Variants in RAB28 observed in about 807,000 individuals in gnomAD.
RAB28 encodes the protein ras-related protein Rab-28.
A neutral mutation model predicts 31.7 loss-of-function variants in RAB28; 24 were observed. The observed-to-expected ratio is 0.76, with a 90% confidence interval of 0.55 to 1.06. The LOEUF (loss-of-function observed/expected upper bound fraction) is 1.06, where lower values mean the gene tolerates loss of function less well. Among genes scored for constraint, RAB28 ranks in the 50% least tolerant of loss-of-function variants. The pLI is 0.00. For synonymous variants in RAB28, 100 were observed against 90.4 expected (o/e 1.11, Z -0.60); for missense variants, 254 against 258.5 (o/e 0.98, Z 0.12).
At chr4:13,393,967 A>T (rs71609125) in intron 4 of RAB28, among the ~76,000 whole-genome samples, 1 of 152,238 alleles carries the variant, frequency 6.6e-6, no homozygotes, top group Non-Finnish European at 1.5e-5. Flanking sequence ...CTGTGCTAGT[A>T]AGCACAAGGG....
chr4:13,459,743 G>C, intron 4 of RAB28: 1 of 1,056,940 alleles, frequency 9.5e-7, no homozygotes, highest in Non-Finnish European at 1.2e-6. Context: ...GTTTATAAGA[G>C]ACAGGAGCAA....
chr4:13,384,842 G>T (rs886453364), intron 4 of RAB28, among the ~76,000 whole-genome samples: 2 of 152,176 alleles, frequency 1.3e-5, no homozygotes, highest in Admixed American at 6.5e-5. Flanking sequence ...TACTTCTCCT[G>T]CAAGGGTTCT....
chr4:13,464,218 A>T (rs1352571020), intron 3 of RAB28, among the ~76,000 whole-genome samples: 1 of 152,100 alleles, frequency 6.6e-6, no homozygotes, highest in South Asian at 2.1e-4. Context: ...CAGATTCCAG[A>T]TATCCCACCA....
At chr4:13,461,498 T>C (rs753001335) in intron 3 of RAB28, among the ~76,000 whole-genome samples, 4 of 152,176 alleles carry the variant, frequency 2.6e-5, no homozygotes, top group Non-Finnish European at 5.9e-5. Context: ...ATCCCTTTAA[T>C]CATAGTTGTT....
At chr4:13,475,632 G>A (rs926031669) in intron 2 of RAB28, among the ~76,000 whole-genome samples, 1 of 151,544 alleles carries the variant, frequency 6.6e-6, no homozygotes, top group African/African-American at 2.4e-5. Flanking sequence ...CCACTGCGCA[G>A]AGGATTTCCA....
chr4:13,454,102 C>T (rs1715158617), intron 4 of RAB28, among the ~76,000 whole-genome samples: 1 of 151,750 alleles, frequency 6.6e-6, no homozygotes, highest in African/African-American at 2.4e-5. Flanking sequence ...ATTCTTTTTT[C>T]TGCATGGTCT....
chr4:13,482,174 GA>G (rs1716634369), intron 1 of RAB28, among the ~76,000 whole-genome samples: 1 of 152,118 alleles, frequency 6.6e-6, no homozygotes, highest in East Asian at 1.9e-4. Flanking sequence ...CAAAAACATG[GA>G]AGTGAAAAAA....
chr4:13,394,156 G>C lies in RAB28; in HGVS notation c.392-12562C>G, dbSNP rs146144899. On this transcript the variant is annotated intron_variant, in intron 4 of 6. Transcript: ENST00000330852. ...GAGGAGTAGGAATCAGGATAGCAAT[G>C]ACAATTTTACATAGGATAGCCATGG... 8.9e-3 allele frequency among the ~76,000 whole-genome samples: 1,350 copies of C among 152,206 alleles called. 12 individuals are homozygous for C. Among genetic ancestry groups the C allele is most frequent in the Non-Finnish European group, 0.015 (1,049 of 68,012 alleles).
intron 4 of RAB28, among the ~76,000 whole-genome samples, chr4:13,393,296 G>A (rs767633700): frequency 3.5e-4 from 53 of 152,168 alleles, no homozygotes; most frequent in Admixed American, 1.7e-3. Flanking sequence ...GGATAGAGAG[G>A]ATGTACATTC....
Position 13,429,896 on chromosome 4 carries a change from A to G in RAB28, c.391+30803T>C, listed in dbSNP as rs1055777465. Among the ~76,000 whole-genome samples, 3 of 152,226 alleles carry G rather than the reference A, an allele frequency of 2.0e-5. No individual in the cohort carries two copies. In the East Asian group the frequency reaches 5.8e-4, roughly 29 times the overall value. ...CTTACTACAGTAATCTAGTTTATTC[A>G]ATACTAATCTAATAAATCTTAAAAC... On this transcript the variant is annotated intron_variant, in intron 4 of 6. Transcript: ENST00000330852.
intron 4 of RAB28, among the ~76,000 whole-genome samples, chr4:13,451,506 A>G (rs1714966257): frequency 6.6e-6 from 1 of 151,122 alleles, no homozygotes; most frequent in Admixed American, 6.6e-5. Context: ...TAGTTTACAA[A>G]TATTTTTTCC....
chr4:13,417,388 G>A (rs529979491), intron 4 of RAB28, among the ~76,000 whole-genome samples: 1 of 152,190 alleles, frequency 6.6e-6, no homozygotes, highest in African/African-American at 2.4e-5. Context: ...AGAGGGCAGT[G>A]GTTTTCCCAG....
chr4:13,464,673 C>T (rs962363297), intron 3 of RAB28, among the ~76,000 whole-genome samples: 1 of 152,086 alleles, frequency 6.6e-6, no homozygotes, highest in Non-Finnish European at 1.5e-5. Context: ...GCCTCTGGCA[C>T]CCACAGCTAA....
At chr4:13,421,297 G>T (rs948043256) in intron 4 of RAB28, among the ~76,000 whole-genome samples, 7 of 152,140 alleles carry the variant, frequency 4.6e-5, no homozygotes, top group African/African-American at 1.7e-4. Flanking sequence ...TCATGAATAG[G>T]AAGAATCAGT....
intron 4 of RAB28, among the ~76,000 whole-genome samples, chr4:13,409,399 G>C (rs1250311998): frequency 2.0e-5 from 3 of 152,146 alleles, no homozygotes; most frequent in Non-Finnish European, 4.4e-5. Flanking sequence ...CTGAATGTTA[G>C]TTGTTAACAA....
intron 4 of RAB28, among the ~76,000 whole-genome samples, chr4:13,398,937 AAACAGAAAACTGCCCAATCAC>A (rs1271179045): frequency 3.3e-5 from 5 of 152,218 alleles, no homozygotes; most frequent in Non-Finnish European, 7.3e-5. Context: ...AACAAAGAGT[AAACAGAAAACTGCCCAATCAC>A]AACAGAATTC....
intron 1 of RAB28, among the ~76,000 whole-genome samples, chr4:13,480,017 T>C (rs1164805752): frequency 6.6e-6 from 1 of 151,704 alleles, no homozygotes; most frequent in Non-Finnish European, 1.5e-5. Context: ...AAGCACCGTA[T>C]GTAATTTTTC....
intron 4 of RAB28, among the ~76,000 whole-genome samples, chr4:13,419,973 T>G (rs1713028153): frequency 6.7e-6 from 1 of 149,372 alleles, no homozygotes; most frequent in African/African-American, 2.5e-5. Flanking sequence ...CAGGAGCTGG[T>G]TTTTTCAAAA....
intron 4 of RAB28, among the ~76,000 whole-genome samples, chr4:13,433,258 A>T (rs1249580852): frequency 6.6e-6 from 1 of 152,068 alleles, no homozygotes; most frequent in Non-Finnish European, 1.5e-5. Flanking sequence ...TTGGCTAAGA[A>T]TTTATAAGTC....
Sources: allele counts gnomAD v4.1 joint callset (sites outside exome capture counted in the v4.1 genomes callset), GRCh38; gene constraint gnomAD v4.1.1; transcripts MANE v1.5; gene names NCBI Gene and HGNC (gene_info 2026-07-23, HGNC 2026-07-21).